Variants in COMMD1 observed in about 807,000 individuals in gnomAD.
COMMD1 encodes the protein COMM domain-containing protein 1.
COMMD1 carries 10 observed loss-of-function variants against 17.2 expected under a neutral mutation model. That is an observed-to-expected ratio of 0.58 (90% CI 0.36 to 0.99). COMMD1 has a LOEUF of 0.99. COMMD1 is among the 50% of genes least tolerant of loss of function. The probability of loss-of-function intolerance (pLI) is 0.01; values close to 1 mark genes in which losing one functional copy is unlikely to be tolerated. For missense variants in COMMD1, 270 were observed against 231.8 expected (o/e 1.17, Z -1.07); for synonymous variants, 97 against 91.6 (o/e 1.06, Z -0.34).
upstream of COMMD1, among the ~76,000 whole-genome samples, chr2:61,902,491 CAA>C (rs776827744): frequency 1.3e-5 from 2 of 151,240 alleles, no homozygotes; most frequent in Admixed American, 6.6e-5. Context: ...GCCTGGGCGA[CAA>C]GAGCGAAACT....
intron 1 of COMMD1, among the ~76,000 whole-genome samples, chr2:61,889,488 G>GTACC (rs1228237570): frequency 6.6e-6 from 1 of 152,152 alleles, no homozygotes; most frequent in Admixed American, 6.5e-5. Flanking sequence ...TGGGATTACA[G>GTACC]GCGTGAGCCA....
chr2:62,039,672 T>A (rs1038267664), intron 2 of COMMD1, among the ~76,000 whole-genome samples: 2 of 152,232 alleles, frequency 1.3e-5, no homozygotes, highest in Non-Finnish European at 2.9e-5. Flanking sequence ...AAGGAACATA[T>A]ATATCTGCTT....
chr2:62,054,755 G>C (rs972948898), intron 2 of COMMD1, among the ~76,000 whole-genome samples: 2 of 152,046 alleles, frequency 1.3e-5, no homozygotes, highest in Non-Finnish European at 2.9e-5. Context: ...TTGGTTAGTG[G>C]GTACAATTTA....
At chr2:62,007,799 C>T (rs1182337997) in intron 2 of COMMD1, among the ~76,000 whole-genome samples, 1 of 152,122 alleles carries the variant, frequency 6.6e-6, no homozygotes, top group Admixed American at 6.6e-5. Context: ...GTATCCTCAT[C>T]GTTAAGCTAT....
rs1237752965 is a variant in COMMD1, at chr2:62,102,980, C to CTT, written c.463-32836_463-32835dup. Among the ~76,000 whole-genome samples the CTT allele has an allele frequency of 2.1e-4, 29 of 140,816 alleles. No homozygotes were observed. The East Asian group carries it at 2.5e-3, about 12-fold the overall frequency. 92.4% of individuals were successfully genotyped at this position (140,816 alleles called of 152,430 possible). On this transcript the variant is annotated intron_variant, in intron 2 of 2. Coordinates refer to ENST00000311832, the MANE Select transcript of COMMD1 (RefSeq NM_152516.4). ...TATCCAATCATATTTCTTTTTCTTTCTTTTTTTTTTTTTTTTGAGACGGAG... is the reference window on the plus strand; with the variant it reads ...TATCCAATCATATTTCTTTTTCTTTCTTTTTTTTTTTTTTTTTTGAGACGGAG...
intron 1 of COMMD1, among the ~76,000 whole-genome samples, chr2:61,995,026 C>T (rs552765113): frequency 8.3e-4 from 126 of 152,322 alleles, no homozygotes; most frequent in Non-Finnish European, 1.3e-3. Context: ...CTCTCCTAGG[C>T]TCCATTGCCC....
intron 2 of COMMD1, among the ~76,000 whole-genome samples, chr2:62,093,221 A>C (rs528188414): frequency 6.6e-6 from 1 of 152,238 alleles, no homozygotes; most frequent in Non-Finnish European, 1.5e-5. Context: ...TGATGGCGGC[A>C]TCTGGATAAA....
At chr2:61,982,526 A>G (rs1251546804) in intron 1 of COMMD1, among the ~76,000 whole-genome samples, 4 of 152,200 alleles carry the variant, frequency 2.6e-5, no homozygotes, top group Non-Finnish European at 5.9e-5. Flanking sequence ...TATGTTGAAT[A>G]ATTGTGGTGT....
At chr2:61,924,526 T>A (rs984432056) in intron 1 of COMMD1, among the ~76,000 whole-genome samples, 5 of 151,836 alleles carry the variant, frequency 3.3e-5, no homozygotes, top group Non-Finnish European at 7.4e-5. Flanking sequence ...CGGCTAGGGC[T>A]GTTGGGGTGA....
chr2:61,932,836 T>C (rs1670504113), intron 1 of COMMD1, among the ~76,000 whole-genome samples: 1 of 152,190 alleles, frequency 6.6e-6, no homozygotes, highest in African/African-American at 2.4e-5. Context: ...AGGTTCTGTG[T>C]GGACCCCGTA....
intron 2 of COMMD1, among the ~76,000 whole-genome samples, chr2:62,076,312 T>TGA (rs1488442057): frequency 6.6e-6 from 1 of 152,210 alleles, no homozygotes; most frequent in Admixed American, 6.5e-5. Context: ...GATAAAGTGC[T>TGA]GAGAGGGACC....
intron 2 of COMMD1, among the ~76,000 whole-genome samples, chr2:62,125,936 G>A (rs767483216): frequency 2.0e-5 from 3 of 151,666 alleles, no homozygotes; most frequent in Non-Finnish European, 4.4e-5. Flanking sequence ...CTTCACCCCC[G>A]ACAGGCCCCA....
At chr2:62,024,471 C>T (rs1669699862) in intron 2 of COMMD1, among the ~76,000 whole-genome samples, 2 of 152,112 alleles carry the variant, frequency 1.3e-5, no homozygotes, top group African/African-American at 4.8e-5. Flanking sequence ...TATATACATC[C>T]TTTGCTATTG....
intron 2 of COMMD1, among the ~76,000 whole-genome samples, chr2:62,022,441 G>A (rs964695217): frequency 8.2e-5 from 12 of 146,336 alleles, no homozygotes; most frequent in African/African-American, 2.2e-4. Context: ...ATTATTTACC[G>A]GCGCTTCTTT....
rs150627722 is a variant in COMMD1 at position 62,056,593 on chromosome 2, C to T, written c.462+55611C>T. Among the ~76,000 whole-genome samples the T allele has an allele frequency of 3.3e-3, 500 of 152,234 alleles. 5 individuals are homozygous for T. The highest frequency in any genetic ancestry group is 0.011 in the African/African-American group (463 of 41,534). Reference sequence around the variant, plus strand: ...CAAAGCCAAACTGGAATTATGGGGGCGATGAGTGAACATTAGGATTTCTGA... The same window carrying T: ...CAAAGCCAAACTGGAATTATGGGGGTGATGAGTGAACATTAGGATTTCTGA... On this transcript the variant is annotated intron_variant, in intron 2 of 2. Coordinates refer to ENST00000311832, the MANE Select transcript of COMMD1 (RefSeq NM_152516.4).
intron 2 of COMMD1, among the ~76,000 whole-genome samples, chr2:62,124,300 G>GTAAA (rs561238824): frequency 1.4e-3 from 208 of 152,162 alleles, no homozygotes; most frequent in South Asian, 6.0e-3. Flanking sequence ...CTCCATCTCA[G>GTAAA]TAAATAAATA....
At chr2:62,041,217 C>T (rs368225124) in intron 2 of COMMD1, among the ~76,000 whole-genome samples, 19 of 152,180 alleles carry the variant, frequency 1.2e-4, no homozygotes, top group East Asian at 9.6e-4. Flanking sequence ...TTCTTTAATT[C>T]GTGGCTTTAG....
chr2:62,011,578 A>C (rs1669280005), intron 2 of COMMD1, among the ~76,000 whole-genome samples: 1 of 152,092 alleles, frequency 6.6e-6, no homozygotes, highest in African/African-American at 2.4e-5. Flanking sequence ...ATATTTCTTG[A>C]GTGGATAAAT....
intron 2 of COMMD1, among the ~76,000 whole-genome samples, chr2:62,066,652 T>C (rs1232887723): frequency 6.6e-6 from 1 of 151,644 alleles, no homozygotes. Context: ...CTGCCCGCCT[T>C]GGCCTCCCAA....
Sources: gnomAD v4.1 joint callset for allele counts (sites outside exome capture counted in the v4.1 genomes callset) on GRCh38, gnomAD v4.1.1 for gene constraint, MANE v1.5 for transcripts, NCBI Gene and HGNC (gene_info 2026-07-23, HGNC 2026-07-21) for gene names.